Variants in GPR107 observed in about 807,000 individuals in gnomAD.
GPR107 encodes the protein protein GPR107.
Under a neutral mutation model 75.5 loss-of-function variants are expected in GPR107, and 31 were observed. The ratio of observed to expected loss-of-function variants is 0.41; its 90% CI spans 0.31 to 0.55. The LOEUF is 0.55. Among genes scored for constraint, GPR107 ranks in the 20% least tolerant of loss-of-function variants. GPR107 has a pLI of 0.26. For synonymous variants in GPR107, 267 were observed against 251.3 expected (o/e 1.06, Z -0.59); for missense variants, 572 against 665.7 (o/e 0.86, Z 1.55).
intron 7 of GPR107, among the ~76,000 whole-genome samples, chr9:130,089,367 G>A (rs1304403613): frequency 2.0e-5 from 3 of 152,152 alleles, no homozygotes; most frequent in Admixed American, 6.5e-5. Flanking sequence ...CAGTGCATGG[G>A]TAGCTTGCGT....
At chr9:130,091,128 C>T (rs1830724421) in intron 8 of GPR107, 145 bp downstream of exon 8, 2 of 611,106 alleles carry the variant, frequency 3.3e-6, no homozygotes, top group Non-Finnish European at 2.9e-6. Context: ...GATACTTCAG[C>T]AGAGGATTCA....
Position 130,107,498 on chromosome 9 carries a change from C to T in GPR107, c.1265C>T (p.Ser422Leu), listed in dbSNP as rs762720542. Residue 422 changes from serine (S) to leucine (L), a missense_variant and splice_region_variant, in exon 14 of 18, where the codon TCA (serine) becomes TTA (leucine). Ser to Leu is a moderately radical substitution (Grantham distance 145, BLOSUM62 -2). Transcript: ENST00000347136. ...GTTCTCTAAATGTTTATTTTTAGGT[C>T]AATCAGACATTTACAAGAAGCATCA... ...CGAILFPVVW[S>L]IRHLQEASAT... is the part of the protein sequence containing the mutation. The T allele has an allele frequency of 4.4e-6, 7 of 1,577,906 alleles. No individual in the cohort carries two copies. The South Asian group carries it at 7.7e-5, about 17-fold the overall frequency.
Position 130,124,984 on chromosome 9 carries a change from ATCCTCAATCTAT to A in GPR107, c.1356+21_1356+32del. 12 of 948,744 alleles carry A rather than the reference ATCCTCAATCTAT, an allele frequency of 1.3e-5. No individual in the cohort carries two copies. Among genetic ancestry groups the A allele is most frequent in the Admixed American group, 2.6e-5 (1 of 38,098 alleles). 58.8% of individuals were successfully genotyped at this position (948,744 alleles called of 1,614,324 possible). On this transcript the variant is annotated intron_variant, in intron 15 of 17. Transcript: ENST00000347136. Reference sequence around the variant, plus strand: ...GTCTTGGTAAGTAAAAAAAAAAAAAATCCTCAATCTATAAATAAAATCAATTCAAGGAGTAGA... The same window carrying A: ...GTCTTGGTAAGTAAAAAAAAAAAAAAAAATAAAATCAATTCAAGGAGTAGA...
chr9:130,079,361 GT>G (rs1257038473), intron 4 of GPR107, among the ~76,000 whole-genome samples: 1 of 152,238 alleles, frequency 6.6e-6, no homozygotes, highest in East Asian at 1.9e-4. Flanking sequence ...GGAGAAAGAT[GT>G]ACCTCAGAAT....
Position 130,077,672 on chromosome 9 carries a change from T to C in GPR107, c.386+294T>C, listed in dbSNP as rs1259261216. ...AGCAGCTTTCTAGTGAGTAGCCTTT[T>C]ACCAGATGAATAAGTAAAGCATTCC... On this transcript the variant is annotated intron_variant, in intron 4 of 17. Coordinates refer to ENST00000347136, the MANE Select transcript of GPR107 (RefSeq NM_020960.5). Among the ~76,000 whole-genome samples, 4 of 152,210 alleles carry C rather than the reference T, an allele frequency of 2.6e-5. No homozygotes were observed. In the East Asian group the frequency reaches 7.7e-4, roughly 29 times the overall value.
chr9:130,086,394 TA>T (rs1830616476), intron 6 of GPR107, 25 bp from the exon 7 acceptor site: 1 of 1,163,750 alleles, frequency 8.6e-7, no homozygotes, highest in Non-Finnish European at 1.3e-6. Context: ...GGTGTCATCC[TA>T]AAACATACTA....
intron 14 of GPR107, chr9:130,120,830 C>G (rs1244093818): frequency 6.6e-6 from 1 of 152,096 alleles, no homozygotes; most frequent in African/African-American, 2.4e-5. Context: ...TGGCTGTGAC[C>G]CCTCTCCGTT....
At chr9:130,122,749 G>A (rs1831577350) in intron 14 of GPR107, among the ~76,000 whole-genome samples, 1 of 152,206 alleles carries the variant, frequency 6.6e-6, no homozygotes, top group Non-Finnish European at 1.5e-5. Flanking sequence ...GAGGCCAGAC[G>A]CAGTGTCTCA....
chr9:130,121,608 CTG>C (rs1831548583), intron 14 of GPR107, among the ~76,000 whole-genome samples: 1 of 152,262 alleles, frequency 6.6e-6, no homozygotes, highest in Non-Finnish European at 1.5e-5. Context: ...TCTCTCACCT[CTG>C]AGCCTCCGCA....
chr9:130,064,912 C>T (rs1351128244), intron 1 of GPR107, among the ~76,000 whole-genome samples: 1 of 152,100 alleles, frequency 6.6e-6, no homozygotes, highest in Admixed American at 6.6e-5. Context: ...AAGGATTCTT[C>T]TCCAGAGCCT....
chr9:130,102,648 T>A (rs896162884), intron 12 of GPR107, among the ~76,000 whole-genome samples: 4 of 152,228 alleles, frequency 2.6e-5, no homozygotes, highest in African/African-American at 9.6e-5. Flanking sequence ...AAGGAGTAGA[T>A]GATGTCCCTG....
At position 130,135,079 on chromosome 9, in the gene GPR107, C is replaced by T. The variant is rs545245837; in HGVS notation, c.1617C>T (p.Asn539=). ...TGAAGAAAGTCAAGAAGGTGACCAA[C>T]GGCTCCGTGGAGCCCCAGGGCGAGT... is the stretch of plus-strand genomic sequence containing the variant. ...ESMKKVKKVT[N]GSVEPQGEWE... Residue 539 remains asparagine (N), a synonymous_variant, in exon 18 of 18, where the codon AAC becomes AAT. Coordinates refer to ENST00000347136, the MANE Select transcript of GPR107 (RefSeq NM_020960.5). The T allele has an allele frequency of 1.4e-5, 23 of 1,610,952 alleles. 1 individual carries two copies. Among genetic ancestry groups the T allele is most frequent in the Middle Eastern group, 1.7e-4 (1 of 6,060 alleles).
intron 1 of GPR107, among the ~76,000 whole-genome samples, chr9:130,060,991 C>T (rs973923057): frequency 6.6e-6 from 1 of 152,174 alleles, no homozygotes; most frequent in Non-Finnish European, 1.5e-5. Context: ...AAGGAGTATG[C>T]ACCTGAAACT....
Position 130,069,956 on chromosome 9 carries a change from TAC to T in GPR107, c.142-5678_142-5677del, listed in dbSNP as rs541200867. Reference sequence around the variant, plus strand: ...CCTTGGCCTCCCATCGTGCTGAGATTACAGGCATAAGCCACCGTGCCTGGCCT... The same window carrying T: ...CCTTGGCCTCCCATCGTGCTGAGATTAGGCATAAGCCACCGTGCCTGGCCT... On this transcript the variant is annotated intron_variant, in intron 1 of 17. Transcript: ENST00000347136. 1.2e-3 allele frequency among the ~76,000 whole-genome samples: 185 copies of T among 148,084 alleles called. 1 individual carries two copies. Among genetic ancestry groups the T allele is most frequent in the Middle Eastern group, 7.0e-3 (2 of 284 alleles).
At position 130,069,632 on chromosome 9, in the gene GPR107, A is replaced by G. The variant is rs145046448; in HGVS notation, c.142-6004A>G. 1.2e-3 allele frequency among the ~76,000 whole-genome samples: 186 copies of G among 152,260 alleles called. 1 individual carries two copies. Among genetic ancestry groups the G allele is most frequent in the African/African-American group, 4.4e-3 (181 of 41,554 alleles). ...CGATAGCTTAAAATGGAGGTGGGGA[A>G]CAGGTTAGGTGAAGGTCCTACAGAT... On this transcript the variant is annotated intron_variant, in intron 1 of 17. Transcript: ENST00000347136.
At chr9:130,074,102 G>A (rs1354474980) in intron 1 of GPR107, among the ~76,000 whole-genome samples, 1 of 152,176 alleles carries the variant, frequency 6.6e-6, no homozygotes, top group Non-Finnish European at 1.5e-5. Flanking sequence ...AGGGACCATA[G>A]CCTTAGGCCT....
intron 9 of GPR107, among the ~76,000 whole-genome samples, chr9:130,092,984 T>C (rs1233989598): frequency 6.6e-6 from 1 of 152,098 alleles, no homozygotes; most frequent in African/African-American, 2.4e-5. Context: ...ATGGTGGAGA[T>C]CCCACAGTCC....
At chr9:130,091,228 C>T (rs1234712203) in intron 8 of GPR107, among the ~76,000 whole-genome samples, 1 of 152,110 alleles carries the variant, frequency 6.6e-6, no homozygotes, top group Non-Finnish European at 1.5e-5. Flanking sequence ...GTGGCTCATG[C>T]CTGTAACCCC....
At chr9:130,125,278 C>T (rs994757848) in intron 15 of GPR107, among the ~76,000 whole-genome samples, 4 of 151,430 alleles carry the variant, frequency 2.6e-5, no homozygotes, top group South Asian at 4.2e-4. Context: ...GACAGGGTTT[C>T]GCAAAGTTGG....
Sources: gnomAD v4.1 joint callset for allele counts (sites outside exome capture counted in the v4.1 genomes callset) on GRCh38, gnomAD v4.1.1 for gene constraint, MANE v1.5 for transcripts, NCBI Gene and HGNC (gene_info 2026-07-23, HGNC 2026-07-21) for gene names.